The following OCA2 variants were observed in gnomAD, a reference collection of about 807,000 sequenced individuals.
The protein encoded by OCA2 is OCA2 melanosomal transmembrane protein.
A neutral mutation model predicts 100.2 loss-of-function variants in OCA2; 77 were observed. That is an observed-to-expected ratio of 0.77 (90% CI 0.64 to 0.93). OCA2 has a LOEUF of 0.93. OCA2 is among the 40% of genes least tolerant of loss of function. The pLI is 0.00. For missense variants in OCA2, 1,062 were observed against 1,089.1 expected, an observed-to-expected ratio of 0.98 and a Z score of 0.35; for synonymous variants, 432 against 439.2, an observed-to-expected ratio of 0.98 and a Z score of 0.21.
intron 23 of OCA2, chr15:27,776,835 A>C (rs1196565039): frequency 6.6e-6 from 1 of 152,222 alleles, no homozygotes; most frequent in African/African-American, 2.4e-5. Context: ...TTAATCCAGC[A>C]GCGTTCCTCA....
intron 18 of OCA2, among the ~76,000 whole-genome samples, chr15:27,941,756 A>G (rs1007672287): frequency 6.6e-6 from 1 of 152,202 alleles, no homozygotes; most frequent in Non-Finnish European, 1.5e-5. Flanking sequence ...ATGGGCAAAA[A>G]TGCTCCAGAG....
the OCA2 span, among the ~76,000 whole-genome samples, chr15:27,726,909 G>A: frequency 0.44 from 66,711 of 152,122 alleles, 16,859 homozygotes; most frequent in African/African-American, 0.69. Context: ...ACAGTGAAGA[G>A]TGCGCCTCCT....
intron 19 of OCA2, among the ~76,000 whole-genome samples, chr15:27,881,970 C>T (rs776905273): frequency 5.9e-5 from 9 of 152,216 alleles, no homozygotes; most frequent in Middle Eastern, 3.4e-3. Flanking sequence ...CTTAGGGTGT[C>T]GATATGACAT....
At chr15:27,913,890 AGAAAGCAAGCAAGC>A (rs1567098388) in intron 19 of OCA2, among the ~76,000 whole-genome samples, 11 of 52,080 alleles carry the variant, frequency 2.1e-4, no homozygotes, top group African/African-American at 2.4e-4. Context: ...AAAGAAAGAA[AGAAAGCAAGCAAGC>A]AAGCAAGCAA....
At chr15:27,952,731 T>G (rs1012665211) in intron 17 of OCA2, among the ~76,000 whole-genome samples, 3 of 152,088 alleles carry the variant, frequency 2.0e-5, no homozygotes, top group Non-Finnish European at 4.4e-5. Flanking sequence ...CAGGCTGGAG[T>G]GCAGTGGCAC....
At chr15:27,811,190 T>TAAA (rs34031304) in intron 23 of OCA2, among the ~76,000 whole-genome samples, 4 of 150,582 alleles carry the variant, frequency 2.7e-5, no homozygotes, top group East Asian at 1.9e-4. Flanking sequence ...TACTTAGCCG[T>TAAA]AAAAAAAAAA....
intron 19 of OCA2, among the ~76,000 whole-genome samples, chr15:27,877,119 A>G (rs2036823368): frequency 6.6e-6 from 1 of 151,754 alleles, no homozygotes; most frequent in African/African-American, 2.4e-5. Context: ...TTCCCTTGTG[A>G]TTTCATTTTT....
intron 18 of OCA2, among the ~76,000 whole-genome samples, chr15:27,936,745 A>AAAGTGGCTGTGACTGCCC (rs1324335881): frequency 2.0e-5 from 3 of 152,248 alleles, no homozygotes; most frequent in Non-Finnish European, 4.4e-5. Flanking sequence ...CTAGACCCAG[A>AAAGTGGCTGTGACTGCCC]AAGTGGCTGT....
intron 23 of OCA2, among the ~76,000 whole-genome samples, chr15:27,814,167 G>T (rs967036597): frequency 6.6e-6 from 1 of 151,932 alleles, no homozygotes; most frequent in African/African-American, 2.4e-5. Context: ...CTATGTATTT[G>T]TACCCACTAA....
intron 2 of OCA2, among the ~76,000 whole-genome samples, chr15:28,044,902 GTTATT>G (rs2043304462): frequency 6.6e-6 from 1 of 152,004 alleles, no homozygotes; most frequent in African/African-American, 2.4e-5. Flanking sequence ...ATCTCCATAT[GTTATT>G]TTAATACTTA....
rs772775471 is a variant in OCA2, at chr15:27,851,430, G to C, written c.2290C>G (p.Pro764Ala). ...AGGGCATACATGAGCGGCGGTGCGGGCAGGCCAACCTCAGGGTCGTGGCTC... is the reference window on the plus strand; with the variant it reads ...AGGGCATACATGAGCGGCGGTGCGGCCAGGCCAACCTCAGGGTCGTGGCTC... The part of the protein sequence containing the change: ...NLSHDPEVGL[P>A]APPLMYALAF... Residue 764 changes from proline (P) to alanine (A), a missense_variant, in exon 22 of 24, where the codon CCC becomes GCC. Transcript: ENST00000354638. 5.0e-6 allele frequency: 8 copies of C among 1,613,838 alleles called. No homozygotes were observed. In the Admixed American group the frequency reaches 6.7e-5, roughly 13 times the overall value.
chr15:28,082,553 A>C (rs1032075228), intron 1 of OCA2, among the ~76,000 whole-genome samples: 1 of 152,222 alleles, frequency 6.6e-6, no homozygotes, highest in African/African-American at 2.4e-5. Flanking sequence ...GCACAGCATG[A>C]AATTCTGTGC....
intron 23 of OCA2, among the ~76,000 whole-genome samples, chr15:27,809,874 C>CA (rs1441303271): frequency 6.6e-6 from 1 of 152,164 alleles, no homozygotes; most frequent in East Asian, 1.9e-4. Context: ...ATAGATGGCA[C>CA]AAACAAATGG....
intron 23 of OCA2, among the ~76,000 whole-genome samples, chr15:27,764,090 AACAGAAGGG>A (rs1011878344): frequency 1.3e-5 from 2 of 151,664 alleles, no homozygotes; most frequent in African/African-American, 4.8e-5. Flanking sequence ...GGCACTGAGA[AACAGAAGGG>A]ACAGGGGAGA....
At chr15:27,854,506 T>C (rs2035882061) in intron 21 of OCA2, among the ~76,000 whole-genome samples, 1 of 152,162 alleles carries the variant, frequency 6.6e-6, no homozygotes, top group African/African-American at 2.4e-5. Context: ...GAGAAATAAG[T>C]AGCACGCTAG....
chr15:27,948,598 TGAGACTA>T (rs2039923351), intron 18 of OCA2, among the ~76,000 whole-genome samples: 1 of 152,106 alleles, frequency 6.6e-6, no homozygotes, highest in Non-Finnish European at 1.5e-5. Flanking sequence ...CCCAAGTAGC[TGAGACTA>T]CAGGCGTGCA....
At chr15:28,023,566 C>T (rs2042659198) in intron 5 of OCA2, among the ~76,000 whole-genome samples, 1 of 152,050 alleles carries the variant, frequency 6.6e-6, no homozygotes, top group Admixed American at 6.5e-5. Flanking sequence ...CGTGGGAGAG[C>T]ACACCACCCC....
intron 2 of OCA2, among the ~76,000 whole-genome samples, chr15:28,046,699 G>C (rs989306626): frequency 6.6e-6 from 1 of 152,148 alleles, no homozygotes; most frequent in Non-Finnish European, 1.5e-5. Flanking sequence ...CTATCATGCT[G>C]GTGCTGAATA....
At chr15:28,009,609 A>T (rs1353043412) in intron 9 of OCA2, among the ~76,000 whole-genome samples, 1 of 151,208 alleles carries the variant, frequency 6.6e-6, no homozygotes, top group African/African-American at 2.4e-5. Context: ...AATCACTTGA[A>T]CCCACAAGGC....
Sources: allele counts gnomAD v4.1 joint callset (sites outside exome capture counted in the v4.1 genomes callset), GRCh38; gene constraint gnomAD v4.1.1; transcripts MANE v1.5; gene names NCBI Gene and HGNC (gene_info 2026-07-23, HGNC 2026-07-21).